The following PARD3B variants were observed in gnomAD, a reference collection of about 807,000 sequenced individuals.
The protein encoded by PARD3B is partitioning defective 3 homolog B.
A neutral mutation model predicts 130.2 loss-of-function variants in PARD3B; 103 were observed. The observed-to-expected ratio is 0.79, with a 90% confidence interval of 0.67 to 0.93. The LOEUF (loss-of-function observed/expected upper bound fraction) is 0.93, where lower values mean the gene tolerates loss of function less well. Among genes scored for constraint, PARD3B ranks in the 40% least tolerant of loss-of-function variants. The pLI, the probability that PARD3B is intolerant of heterozygous loss-of-function variation, is 0.00. For missense variants in PARD3B, 1,609 were observed against 1,499.2 expected, an observed-to-expected ratio of 1.07 and a Z score of -1.21; for synonymous variants, 583 against 553.2, an observed-to-expected ratio of 1.05 and a Z score of -0.76.
At chr2:204,646,939 T>C (rs957857106) in intron 1 of PARD3B, among the ~76,000 whole-genome samples, 1 of 152,056 alleles carries the variant, frequency 6.6e-6, no homozygotes, top group Non-Finnish European at 1.5e-5. Context: ...CGAAATTATC[T>C]ATTACAAATT....
Position 205,301,728 on chromosome 2 carries a change from T to G in PARD3B, c.2630+27T>G. On this transcript the variant is annotated intron_variant, in intron 18 of 22. Coordinates refer to ENST00000406610, the MANE Select transcript of PARD3B (RefSeq NM_001302769.2). The surrounding 1 kb of genome is among the most constrained non-coding windows in gnomAD (Gnocchi z 5.2). ...TATGGGCCTGCTTTGAAGGCAAAGTTGGTTCTCATTTTGTCTCTCCTGGTA... is the reference window on the plus strand; with the variant it reads ...TATGGGCCTGCTTTGAAGGCAAAGTGGGTTCTCATTTTGTCTCTCCTGGTA... The G allele has an allele frequency of 6.2e-7, 1 of 1,613,776 alleles. No homozygotes were observed.
chr2:205,596,121 AAAG>A (rs2054561131), intron 22 of PARD3B, among the ~76,000 whole-genome samples: 2 of 152,292 alleles, frequency 1.3e-5, no homozygotes, highest in South Asian at 4.1e-4. Flanking sequence ...AATTTCAATA[AAAG>A]AAGATTTGAA....
intron 3 of PARD3B, among the ~76,000 whole-genome samples, chr2:204,971,408 A>T (rs1260327206): frequency 6.6e-6 from 1 of 152,196 alleles, no homozygotes; most frequent in Non-Finnish European, 1.5e-5. Flanking sequence ...TAAGCATGTG[A>T]GGGTTCCTTG....
rs77428710 is a variant in PARD3B, at chr2:204,820,473, G to A, written c.222+134191G>A. On this transcript the variant is annotated intron_variant, in intron 2 of 22. Transcript: ENST00000406610. The stretch of plus-strand genomic sequence containing the variant: ...CAGAGAGAAGTCAATCCCTGGTTTC[G>A]AAGGACAGGCTGACTCTCTTGTTAG... 8.4e-3 allele frequency among the ~76,000 whole-genome samples: 1,270 copies of A among 152,080 alleles called. 10 individuals carry two copies. Among genetic ancestry groups the A allele is most frequent in the African/African-American group, 0.027 (1,135 of 41,478 alleles).
At chr2:205,120,955 G>A (rs1377173539) in intron 7 of PARD3B, among the ~76,000 whole-genome samples, 6 of 152,196 alleles carry the variant, frequency 3.9e-5, no homozygotes, top group African/African-American at 1.2e-4. Flanking sequence ...AACACAAAGT[G>A]TTAGGTCATA....
chr2:204,876,612 C>T (rs2045853849), intron 2 of PARD3B, among the ~76,000 whole-genome samples: 1 of 152,122 alleles, frequency 6.6e-6, no homozygotes, highest in South Asian at 2.1e-4. Flanking sequence ...TGGAACTCTG[C>T]CTCTACTCAG....
At chr2:205,390,463 T>C (rs1197667858) in intron 18 of PARD3B, among the ~76,000 whole-genome samples, 1 of 152,226 alleles carries the variant, frequency 6.6e-6, no homozygotes, top group Non-Finnish European at 1.5e-5. Flanking sequence ...CATGGACTAA[T>C]TCTTTTGTCA....
chr2:204,796,495 C>CT (rs2042381144), intron 2 of PARD3B, among the ~76,000 whole-genome samples: 1 of 152,204 alleles, frequency 6.6e-6, no homozygotes, highest in African/African-American at 2.4e-5. Flanking sequence ...GCCTAACAAG[C>CT]TCAGTGGCCA....
At chr2:204,793,469 G>A (rs548553747) in intron 2 of PARD3B, among the ~76,000 whole-genome samples, 1 of 152,026 alleles carries the variant, frequency 6.6e-6, no homozygotes, top group African/African-American at 2.4e-5. Context: ...AGTCGAATCT[G>A]TTATCTTTTT....
Position 205,619,539 on chromosome 2 carries a change from G to A in PARD3B, c.*3726G>A, listed in dbSNP as rs544883768. On this transcript the variant is annotated 3_prime_UTR_variant, in exon 23 of 23. Transcript: ENST00000406610. ...GGATTTGGACTCAGAAACAGCCACA[G>A]AAGTATTTCTCAGCACTCCCAGTTC... 6.6e-6 allele frequency: 1 copy of A among 152,166 alleles called. No homozygotes were observed. The highest frequency in any genetic ancestry group is 1.5e-5 in the Non-Finnish European group (1 of 68,026). The allele number at this position is 152,166 out of a possible 1,614,324, so 9.4% of individuals were successfully genotyped here.
chr2:204,770,445 G>T (rs1415163852), intron 2 of PARD3B, among the ~76,000 whole-genome samples: 1 of 150,110 alleles, frequency 6.7e-6, no homozygotes, highest in Non-Finnish European at 1.5e-5. Flanking sequence ...TTTTGGAATA[G>T]GTGTGGTGTG....
In PARD3B at chr2:205,054,401, C is replaced by CTT. The variant is rs1491247939; in HGVS notation, c.504+6714_504+6715dup. 6.8e-4 allele frequency among the ~76,000 whole-genome samples: 23 copies of CTT among 34,018 alleles called. 1 individual carries two copies. Among genetic ancestry groups the CTT allele is most frequent in the African/African-American group, 1.2e-3 (12 of 9,956 alleles). The allele number at this position is 34,018 out of a possible 152,430, so 22.3% of individuals were successfully genotyped here. On this transcript the variant is annotated intron_variant, in intron 4 of 22. Transcript: ENST00000406610. ...AATTAACAAGGTAACCATGACATGTCTTTTATATATATATATATATATATA... is the reference window on the plus strand; with the variant it reads ...AATTAACAAGGTAACCATGACATGTCTTTTTTATATATATATATATATATATA...
chr2:204,648,612 A>C (rs936403607), intron 1 of PARD3B, among the ~76,000 whole-genome samples: 1 of 126,074 alleles, frequency 7.9e-6, no homozygotes, highest in Admixed American at 9.9e-5. Flanking sequence ...ATTTATATTT[A>C]TATATACTAT....
At chr2:205,235,433 A>G (rs1181644948) in intron 15 of PARD3B, among the ~76,000 whole-genome samples, 1 of 152,154 alleles carries the variant, frequency 6.6e-6, no homozygotes, top group East Asian at 1.9e-4. Context: ...AAAAGAAAAC[A>G]GAAAAAGTAG....
At chr2:205,023,470 T>C (rs1696776991) in intron 3 of PARD3B, among the ~76,000 whole-genome samples, 1 of 151,330 alleles carries the variant, frequency 6.6e-6, no homozygotes, top group Admixed American at 6.6e-5. Context: ...TTTTTTTTTT[T>C]TTTGGTAAAG....
At chr2:205,491,303 T>A (rs1213860378) in intron 20 of PARD3B, among the ~76,000 whole-genome samples, 2 of 152,248 alleles carry the variant, frequency 1.3e-5, no homozygotes, top group Admixed American at 6.5e-5. Context: ...AAGGAAGGGA[T>A]CCAGTTTCAG....
At chr2:205,232,499 A>G (rs2038892279) in intron 15 of PARD3B, among the ~76,000 whole-genome samples, 1 of 152,196 alleles carries the variant, frequency 6.6e-6, no homozygotes, top group Admixed American at 6.5e-5. Flanking sequence ...ACAAAAAGGT[A>G]AAATTTCTAA....
intron 2 of PARD3B, among the ~76,000 whole-genome samples, chr2:204,805,584 C>G (rs1277174164): frequency 6.6e-6 from 1 of 152,028 alleles, no homozygotes; most frequent in Non-Finnish European, 1.5e-5. Flanking sequence ...TGCCCTGATA[C>G]CAAAAGCAGA....
intron 4 of PARD3B, among the ~76,000 whole-genome samples, chr2:205,087,759 G>A (rs1701829727): frequency 6.6e-6 from 1 of 152,074 alleles, no homozygotes; most frequent in Non-Finnish European, 1.5e-5. Flanking sequence ...TTAGTATTAG[G>A]CATTTCAAAT....
Sources: allele counts gnomAD v4.1 joint callset (sites outside exome capture counted in the v4.1 genomes callset), GRCh38; gene constraint gnomAD v4.1.1; non-coding constraint Gnocchi (gnomAD v3.1); transcripts MANE v1.5; gene names NCBI Gene and HGNC (gene_info 2026-07-23, HGNC 2026-07-21).